CLN8: variants seen among roughly 807,000 people sequenced by gnomAD.
CLN8 encodes the protein CLN8 transmembrane ER and ERGIC protein.
CLN8 carries 14 observed loss-of-function variants against 15.7 expected under a neutral mutation model. The ratio of observed to expected loss-of-function variants is 0.89; its 90% CI spans 0.59 to 1.39. CLN8 has a LOEUF of 1.39. Among genes scored for constraint, CLN8 ranks in the 40% most tolerant of loss-of-function variants. The probability of loss-of-function intolerance (pLI) is 0.00; values close to 1 mark genes in which losing one functional copy is unlikely to be tolerated. For missense variants in CLN8, 415 were observed against 364.0 expected (o/e 1.14, Z -1.14); for synonymous variants, 188 against 151.0 (o/e 1.25, Z -1.80).
At chr8:1,762,096 A>C (rs577970127), upstream of CLN8, 58 of 152,374 alleles carry the variant, frequency 3.8e-4, no homozygotes, top group African/African-American at 1.3e-3. Context: ...GGTTAAAAGT[A>C]GGATGGAGTT....
intron 1 of CLN8, among the ~76,000 whole-genome samples, chr8:1,764,099 G>A (rs1446520596): frequency 6.6e-6 from 1 of 151,354 alleles, no homozygotes; most frequent in Non-Finnish European, 1.5e-5. Context: ...GGGGAACCCA[G>A]ATGGGCGCGC....
chr8:1,755,651 G>A (rs1800652835), upstream of CLN8: 1 of 152,276 alleles, frequency 6.6e-6, no homozygotes, highest in Non-Finnish European at 1.5e-5. Flanking sequence ...CCACAACCTG[G>A]CCCAGCCTCT....
chr8:1,773,924 A>G (rs1319972885), intron 2 of CLN8: 1 of 152,242 alleles, frequency 6.6e-6, no homozygotes, highest in Admixed American at 6.5e-5. Context: ...TAAATTATTA[A>G]TACATCCCAC....
chr8:1,769,095 T>C (rs549948236), intron 1 of CLN8, among the ~76,000 whole-genome samples: 1 of 152,280 alleles, frequency 6.6e-6, no homozygotes, highest in East Asian at 1.9e-4. Flanking sequence ...CCACATCAGA[T>C]TTGTGTTCAA....
intron 1 of CLN8, among the ~76,000 whole-genome samples, chr8:1,756,394 G>GA (rs1268722208): frequency 3.3e-5 from 5 of 150,830 alleles, no homozygotes; most frequent in African/African-American, 9.8e-5. Flanking sequence ...TGAGGCAGGA[G>GA]AATTGCTTGA....
chr8:1,776,492 G>GA (rs397820426), intron 2 of CLN8, among the ~76,000 whole-genome samples: 1 of 151,738 alleles, frequency 6.6e-6, no homozygotes, highest in Non-Finnish European at 1.5e-5. Flanking sequence ...ATCTGTGCGG[G>GA]CAGATGTGTG....
intron 1 of CLN8, 25 bp from the exon 2 acceptor site, chr8:1,770,907 A>G: frequency 1.4e-6 from 1 of 738,468 alleles, no homozygotes; most frequent in Non-Finnish European, 2.3e-6. Context: ...TCGAGTCAAC[A>G]CAAAATGAAT....
chr8:1,774,209 T>C (rs1801425334), intron 2 of CLN8, among the ~76,000 whole-genome samples: 1 of 152,192 alleles, frequency 6.6e-6, no homozygotes, highest in Non-Finnish European at 1.5e-5. Flanking sequence ...CGAGATTTTA[T>C]TTTGAAGTTT....
At chr8:1,767,133 C>G (rs1318384011) in intron 1 of CLN8, among the ~76,000 whole-genome samples, 2 of 152,196 alleles carry the variant, frequency 1.3e-5, no homozygotes, top group Non-Finnish European at 2.9e-5. Context: ...TTTGTGAACT[C>G]CTGGCTGGAG....
chr8:1,764,446 G>A (rs1196812041), intron 1 of CLN8: 2 of 152,368 alleles, frequency 1.3e-5, no homozygotes, highest in East Asian at 1.9e-4. Context: ...GTGTGCCCAC[G>A]AGGCGGGGAG....
rs573373305 is a variant in CLN8 at position 1,779,661 on chromosome 8, G to C, written c.544-589G>C. Among the ~76,000 whole-genome samples the C allele has an allele frequency of 2.0e-5, 3 of 152,362 alleles. No individual in the cohort carries two copies. The Middle Eastern group carries it at 0.01, about 518-fold the overall frequency. ...GAAATTCCTTTCTCACAGTTTTGGA[G>C]GCTGCAAGTCTGAGATCAAGGCACC... On this transcript the variant is annotated intron_variant, in intron 2 of 2. Coordinates refer to ENST00000331222, the MANE Select transcript of CLN8 (RefSeq NM_018941.4).
At chr8:1,765,398 G>A (rs1265217786) in intron 1 of CLN8, among the ~76,000 whole-genome samples, 1 of 152,172 alleles carries the variant, frequency 6.6e-6, no homozygotes, top group Non-Finnish European at 1.5e-5. Context: ...TAGTGATGGT[G>A]CTTGGAGCTG....
chr8:1,771,663 T>C, intron 2 of CLN8, 66 bp downstream of exon 2: 1 of 1,462,264 alleles, frequency 6.8e-7, no homozygotes, highest in Non-Finnish European at 9.4e-7. Flanking sequence ...TACAATGTCC[T>C]GGACGCTGCC....
chr8:1,761,666 G>C (rs1800799929), upstream of CLN8, among the ~76,000 whole-genome samples: 1 of 152,296 alleles, frequency 6.6e-6, no homozygotes, highest in South Asian at 2.1e-4. Context: ...TAGGTAGGGG[G>C]CCAGTAAGCT....
upstream of CLN8, among the ~76,000 whole-genome samples, chr8:1,753,801 G>C (rs1037720215): frequency 6.6e-6 from 1 of 151,216 alleles, no homozygotes; most frequent in Admixed American, 6.6e-5. Flanking sequence ...CAGGAGAATT[G>C]CTTGAACCCG....
At chr8:1,760,567 G>C (rs115866008), upstream of CLN8, 1 of 152,132 alleles carries the variant, frequency 6.6e-6, no homozygotes, top group Non-Finnish European at 1.5e-5. Flanking sequence ...CACAGTCCTG[G>C]AATGTTTAAA....
At chr8:1,769,784 A>T (rs1365859329) in intron 1 of CLN8, among the ~76,000 whole-genome samples, 1 of 152,082 alleles carries the variant, frequency 6.6e-6, no homozygotes, top group Non-Finnish European at 1.5e-5. Context: ...GCATCTGTTC[A>T]TGTGTTCCAT....
intron 1 of CLN8, chr8:1,764,607 G>C (rs1443103527): frequency 1.3e-5 from 2 of 152,990 alleles, no homozygotes; most frequent in African/African-American, 4.8e-5. Context: ...GAGGGACGCT[G>C]GGTCAGTCAG....
At chr8:1,759,121 T>G (rs890024060), upstream of CLN8, 1 of 152,234 alleles carries the variant, frequency 6.6e-6, no homozygotes, top group African/African-American at 2.4e-5. Flanking sequence ...CCTTAAGATC[T>G]CTGCTTTGAC....
Sources: gnomAD v4.1 joint callset for allele counts (sites outside exome capture counted in the v4.1 genomes callset) on GRCh38, gnomAD v4.1.1 for gene constraint, MANE v1.5 for transcripts, NCBI Gene and HGNC (gene_info 2026-07-23, HGNC 2026-07-21) for gene names.